The following ARHGAP22 variants were observed in gnomAD, a reference collection of about 807,000 sequenced individuals.
ARHGAP22 encodes Rho GTPase activating protein 22.
In ARHGAP22, 48 loss-of-function variants were observed where a neutral mutation model predicts 59.1. The observed-to-expected ratio is 0.81, with a 90% CI of 0.64 to 1.03. The LOEUF (loss-of-function observed/expected upper bound fraction) is 1.03, where lower values mean the gene tolerates loss of function less well. ARHGAP22 is among the 50% of genes least tolerant of loss of function. The probability of loss-of-function intolerance (pLI) is 0.00; values close to 1 mark genes in which losing one functional copy is unlikely to be tolerated. For synonymous variants in ARHGAP22, 445 were observed against 416.4 expected (o/e 1.07, Z -0.84); for missense variants, 1,015 against 958.7 (o/e 1.06, Z -0.78).
intron 4 of ARHGAP22, among the ~76,000 whole-genome samples, chr10:48,473,731 GACCCAA>G (rs1171143940): frequency 6.6e-5 from 10 of 152,200 alleles, no homozygotes; most frequent in Non-Finnish European, 1.5e-4. Flanking sequence ...ATCACACCTA[GACCCAA>G]GCCTGTTGCC....
intron 8 of ARHGAP22, chr10:48,451,582 T>C (rs1226609342): frequency 3.0e-5 from 21 of 702,120 alleles, no homozygotes; most frequent in East Asian, 2.4e-4. Context: ...CATAGGGCTC[T>C]GGGACAGGGA....
chr10:48,479,463 C>T (rs1293619751), intron 4 of ARHGAP22, 173 bp downstream of exon 4: 9 of 1,190,434 alleles, frequency 7.6e-6, no homozygotes, highest in African/African-American at 1.5e-5. Flanking sequence ...ACACGGCAGC[C>T]GTTGGGTGAC....
At chr10:48,578,265 G>T (rs1264440984) in intron 2 of ARHGAP22, among the ~76,000 whole-genome samples, 2 of 152,160 alleles carry the variant, frequency 1.3e-5, no homozygotes, top group Admixed American at 1.3e-4. Context: ...CTTTGTGCTG[G>T]TTTGGGATTT....
intron 3 of ARHGAP22, among the ~76,000 whole-genome samples, chr10:48,501,668 T>G (rs12777004): frequency 0.23 from 35,591 of 151,996 alleles, 7,254 homozygotes; most frequent in East Asian, 0.59. Context: ...GCATAAAAAG[T>G]TAGTAAACAT....
At chr10:48,513,388 A>C (rs575774382) in intron 3 of ARHGAP22, among the ~76,000 whole-genome samples, 2 of 152,336 alleles carry the variant, frequency 1.3e-5, no homozygotes, top group South Asian at 4.1e-4. Context: ...TCTCTGGCTG[A>C]TTTTGAGTCC....
At chr10:48,599,072 G>T (rs192185426) in intron 1 of ARHGAP22, among the ~76,000 whole-genome samples, 1 of 152,330 alleles carries the variant, frequency 6.6e-6, no homozygotes, top group Admixed American at 6.5e-5. Context: ...TGAGGATGAA[G>T]GGAGATAATG....
At chr10:48,600,551 C>T (rs370225815) in intron 1 of ARHGAP22, among the ~76,000 whole-genome samples, 3 of 138,952 alleles carry the variant, frequency 2.2e-5, no homozygotes, top group African/African-American at 5.1e-5. Context: ...GAGGAGTATT[C>T]AAAAAAAAAA....
chr10:48,655,586 C>G (rs1019743145), upstream of ARHGAP22: 1 of 152,686 alleles, frequency 6.5e-6, no homozygotes, highest in African/African-American at 2.4e-5. Flanking sequence ...CGGGGCCTGC[C>G]GGGCAGCGCT....
intron 1 of ARHGAP22, among the ~76,000 whole-genome samples, chr10:48,649,982 C>CGGAG (rs1218166245): frequency 2.6e-4 from 34 of 131,244 alleles, no homozygotes; most frequent in Admixed American, 7.0e-4. Flanking sequence ...CTGAGAAAGA[C>CGGAG]GGAGGGAGGG....
chr10:48,558,559 G>A (rs1375239299), intron 2 of ARHGAP22, among the ~76,000 whole-genome samples: 2 of 151,968 alleles, frequency 1.3e-5, no homozygotes, highest in African/African-American at 4.8e-5. Flanking sequence ...TAGAAACGGG[G>A]TTTCCCTATC....
chr10:48,460,111 A>G lies in ARHGAP22; in HGVS notation c.452-220T>C, dbSNP rs555453884. On this transcript the variant is annotated intron_variant, in intron 4 of 9. Coordinates refer to ENST00000249601, the MANE Select transcript of ARHGAP22 (RefSeq NM_021226.4). ...AGGCTGGGCCCTGGGCTGCCTGTGGACAGACAGCAGGAGGGAGCAGTGAGA... is the reference window on the plus strand; with the variant it reads ...AGGCTGGGCCCTGGGCTGCCTGTGGGCAGACAGCAGGAGGGAGCAGTGAGA... 2.6e-5 allele frequency among the ~76,000 whole-genome samples: 4 copies of G among 152,326 alleles called. No homozygotes were observed. The East Asian group carries it at 7.7e-4, about 29-fold the overall frequency.
At chr10:48,563,321 G>C (rs1443887981) in intron 2 of ARHGAP22, among the ~76,000 whole-genome samples, 1 of 149,820 alleles carries the variant, frequency 6.7e-6, no homozygotes, top group Non-Finnish European at 1.5e-5. Flanking sequence ...AGCCTCCCCA[G>C]TAGCTGGGAC....
Position 48,446,417 on chromosome 10 carries a change from C to T in ARHGAP22, c.2071G>A (p.Ala691Thr), listed in dbSNP as rs2045352613. 6.2e-7 allele frequency: 1 copy of T among 1,614,048 alleles called. No individual in the cohort carries two copies. Among genetic ancestry groups the T allele is most frequent in the East Asian group, 2.2e-5 (1 of 44,894 alleles). The change falls in exon 10 of 10, where the codon GCA (alanine) becomes ACA (threonine). Residue 691 changes from alanine to threonine, a missense_variant. By Grantham distance (58) the Ala-to-Thr change is moderately conservative. Transcript: ENST00000249601. ...FSTLGSLTVG[A>T]KGARAPK ...TACTTTGGGGCCCTGGCACCTTTTG[C>T]CCCAACAGTCAAGCTTCCTAGGGTC...
intron 1 of ARHGAP22, among the ~76,000 whole-genome samples, chr10:48,614,686 A>G (rs1239599047): frequency 2.0e-5 from 3 of 152,224 alleles, no homozygotes; most frequent in African/African-American, 7.2e-5. Flanking sequence ...AGGAAAACCC[A>G]GCTGAGTCTC....
intron 9 of ARHGAP22, among the ~76,000 whole-genome samples, chr10:48,448,745 C>T (rs975296593): frequency 7.9e-5 from 12 of 152,314 alleles, no homozygotes; most frequent in South Asian, 6.2e-4. Context: ...ACCAAGACAA[C>T]GACCCAGACC....
intron 5 of ARHGAP22, among the ~76,000 whole-genome samples, chr10:48,457,725 A>G (rs1024603933): frequency 6.6e-6 from 1 of 152,166 alleles, no homozygotes; most frequent in African/African-American, 2.4e-5. Flanking sequence ...GTGAGGCTTT[A>G]GCAGAAGAGA....
In ARHGAP22 at chr10:48,450,775, G is replaced by T. The variant is rs747682085; in HGVS notation, c.1354C>A (p.Pro452Thr). The T allele has an allele frequency of 1.2e-5, 19 of 1,565,674 alleles. No homozygotes were observed. Among genetic ancestry groups the T allele is most frequent in the Non-Finnish European group, 1.6e-5 (19 of 1,155,700 alleles). The change falls in exon 9 of 10, where the codon CCC (proline) becomes ACC (threonine). Residue 452 changes from proline (P) to threonine (T), a missense_variant. Physicochemically the swap from Pro to Thr is conservative, Grantham distance 38. Coordinates refer to ENST00000249601, the MANE Select transcript of ARHGAP22 (RefSeq NM_021226.4). ...CAGTTCCCGCCGGAGGAGATGATGG[G>T]CACCTCCAGGGATGAGCCGCCCCCC... ...PKGGGSSLEVPIISSGGNWLM... is the reference protein window; with the variant it reads ...PKGGGSSLEVTIISSGGNWLM...
At chr10:48,492,267 A>G (rs1248561847) in intron 3 of ARHGAP22, among the ~76,000 whole-genome samples, 2 of 152,150 alleles carry the variant, frequency 1.3e-5, no homozygotes, top group African/African-American at 4.8e-5. Flanking sequence ...ATTTTTTAAA[A>G]CTTTTTTTTA....
chr10:48,583,696 G>T (rs909655264), intron 1 of ARHGAP22, among the ~76,000 whole-genome samples: 3 of 152,140 alleles, frequency 2.0e-5, no homozygotes, highest in African/African-American at 7.2e-5. Flanking sequence ...GAAGGAACTG[G>T]CCCCACCCAG....
Sources: gnomAD v4.1 joint callset for allele counts (sites outside exome capture counted in the v4.1 genomes callset) on GRCh38, gnomAD v4.1.1 for gene constraint, MANE v1.5 for transcripts, NCBI Gene and HGNC (gene_info 2026-07-23, HGNC 2026-07-21) for gene names.